The following LUC7L3 variants were observed in gnomAD, a reference collection of about 807,000 sequenced individuals.
LUC7L3 encodes luc7-like protein 3.
Under a neutral mutation model 66.8 loss-of-function variants are expected in LUC7L3, and 6 were observed. The ratio of observed to expected loss-of-function variants is 0.09; its 90% CI spans 0.05 to 0.18. LUC7L3 has a LOEUF of 0.18. Among genes scored for constraint, LUC7L3 ranks in the 10% least tolerant of loss-of-function variants. The probability of loss-of-function intolerance (pLI) is 1.00; values close to 1 mark genes in which losing one functional copy is unlikely to be tolerated. For missense variants in LUC7L3, 341 were observed against 531.1 expected (o/e 0.64, Z 3.52); for synonymous variants, 160 against 174.7 (o/e 0.92, Z 0.66).
In LUC7L3 at chr17:50,750,531, G is replaced by A. The variant is rs1319945750; in HGVS notation, c.1169G>A (p.Ser390Asn). ...EKRGSDDKKS[S>N]VKSGSREKQS... Reference sequence around the variant, plus strand: ...AGGGGATCTGATGATAAAAAAAGTAGTGTGAAGTCCGGTAGTCGAGAAAAG... The same window carrying A: ...AGGGGATCTGATGATAAAAAAAGTAATGTGAAGTCCGGTAGTCGAGAAAAG... The change falls in exon 10 of 10, where the codon AGT (serine) becomes AAT (asparagine). Residue 390 changes from serine to asparagine, a missense_variant. This residue lies in a region of LUC7L3 where 210 missense variants were observed against 238.1 expected (regional missense o/e 0.88). Transcript: ENST00000505658. 6 of 1,613,970 alleles carry A rather than the reference G, an allele frequency of 3.7e-6. No homozygotes were observed. The Middle Eastern group carries it at 8.2e-4, about 222-fold the overall frequency.
intron 2 of LUC7L3, chr17:50,738,336 A>C (rs1970121046): frequency 4.7e-6 from 1 of 214,612 alleles, no homozygotes; most frequent in Non-Finnish European, 9.8e-6. Context: ...CTTTTTAAAA[A>C]ATTAGTTGCT....
In LUC7L3 at chr17:50,752,019, G is replaced by C; in HGVS notation, c.*1358G>C. The C allele has an allele frequency of 9.1e-7, 1 of 1,100,400 alleles. No individual in the cohort carries two copies. The highest frequency in any genetic ancestry group is 1.1e-6 in the Non-Finnish European group (1 of 895,676). The allele number at this position is 1,100,400 out of a possible 1,614,324, so 68.2% of individuals were successfully genotyped here. On this transcript the variant is annotated 3_prime_UTR_variant, in exon 10 of 10. Transcript: ENST00000505658. ...GTCTGTGTATGTCATTCACACTTAG[G>C]CAAGCATACACAGGCACATGGCTTT...
chr17:50,747,463 A>G (rs988970409), intron 9 of LUC7L3, among the ~76,000 whole-genome samples: 1 of 151,664 alleles, frequency 6.6e-6, no homozygotes, highest in Admixed American at 6.6e-5. Flanking sequence ...TTTGTATTGA[A>G]TGAGCTGTTG....
At chr17:50,727,286 A>G (rs1341259776) in intron 1 of LUC7L3, among the ~76,000 whole-genome samples, 1 of 152,146 alleles carries the variant, frequency 6.6e-6, no homozygotes, top group Non-Finnish European at 1.5e-5. Context: ...AGGTTTATTT[A>G]GTTCAGTTCC....
rs3063109 is a variant in LUC7L3, at chr17:50,730,513, C to CAAAAAAAAAAAAAAAAAA, written c.100-6439_100-6422dup. Among the ~76,000 whole-genome samples, 57 of 59,090 alleles carry CAAAAAAAAAAAAAAAAAA rather than the reference C, an allele frequency of 9.6e-4. 1 individual carries two copies. Among genetic ancestry groups the CAAAAAAAAAAAAAAAAAA allele is most frequent in the African/African-American group, 1.5e-3 (20 of 13,252 alleles). The allele number at this position is 59,090 out of a possible 152,430, so 38.8% of individuals were successfully genotyped here. A position where few individuals can be genotyped will look rare whatever the true frequency, so the allele number is the denominator to read the frequency against. ...CTGGGCGACAGTAAGACTCTGTCTC[C>CAAAAAAAAAAAAAAAAAA]AAAAAAAAAAAAAAAAAAAAAAAAA... On this transcript the variant is annotated intron_variant, in intron 1 of 9. Transcript: ENST00000505658.
chr17:50,738,192 C>A (rs756044398), intron 2 of LUC7L3: 2 of 455,294 alleles, frequency 4.4e-6, no homozygotes, highest in South Asian at 3.1e-5. Flanking sequence ...GAGAAGTGAT[C>A]TCTGCAGGTA....
chr17:50,755,897 G>A lies in LUC7L3; in HGVS notation c.*5236G>A, dbSNP rs9910992. 139,128 of 152,272 alleles carry A rather than the reference G, an allele frequency of 0.91. 64,612 individuals are homozygous for A. The highest frequency in any genetic ancestry group is 1 in the Non-Finnish European group (67,908 of 68,044). 9.4% of individuals were successfully genotyped at this position (152,272 alleles called of 1,614,324 possible). On this transcript the variant is annotated 3_prime_UTR_variant, in exon 10 of 10. Coordinates refer to ENST00000505658, the MANE Select transcript of LUC7L3 (RefSeq NM_016424.5). ...ACAGAAGTGAAACTGAACTGCAGCT[G>A]TGTATGTGAACATGGACAAAACTCA...
chr17:50,722,056 T>TA lies in LUC7L3; in HGVS notation c.99+2225_99+2226insA, dbSNP rs559113915. On this transcript the variant is annotated intron_variant, in intron 1 of 9. Coordinates refer to ENST00000505658, the MANE Select transcript of LUC7L3 (RefSeq NM_016424.5). ...AAGGTAGTCCCTAGATAGCTGTATT[T>TA]GACCTGTGGAATTTGTTTTAAATGC... The TA allele has an allele frequency of 8.5e-5, 13 of 152,198 alleles. No homozygotes were observed. The East Asian group carries it at 2.5e-3, about 29-fold the overall frequency. The allele number at this position is 152,198 out of a possible 1,614,324, so 9.4% of individuals were successfully genotyped here.
chr17:50,719,870 G>C (rs748723087), intron 1 of LUC7L3, 39 bp downstream of exon 1: 2 of 1,564,630 alleles, frequency 1.3e-6, no homozygotes, highest in South Asian at 1.2e-5. Context: ...CGGGCTCCGT[G>C]GGGGAGGGGA....
intron 1 of LUC7L3, chr17:50,724,024 C>T (rs547306120): frequency 4.5e-6 from 2 of 447,112 alleles, no homozygotes; most frequent in African/African-American, 4.0e-5. Flanking sequence ...TATGTAATTG[C>T]TATTTGCTTT....
rs1970977819 is a variant in LUC7L3 at position 50,751,624 on chromosome 17, T to C, written c.*963T>C. The C allele has an allele frequency of 8.8e-7, 1 of 1,131,918 alleles. No individual in the cohort carries two copies. The highest frequency in any genetic ancestry group is 1.1e-6 in the Non-Finnish European group (1 of 912,490). 70.1% of individuals were successfully genotyped at this position (1,131,918 alleles called of 1,614,324 possible). On this transcript the variant is annotated 3_prime_UTR_variant, in exon 10 of 10. Coordinates refer to ENST00000505658, the MANE Select transcript of LUC7L3 (RefSeq NM_016424.5). Reference sequence around the variant, plus strand: ...CAATAAACACTTCATATTATTCGCCTTGTTACACTCAATGCAATTCTCAAG... The same window carrying C: ...CAATAAACACTTCATATTATTCGCCCTGTTACACTCAATGCAATTCTCAAG...
At position 50,719,774 on chromosome 17, in the gene LUC7L3, G is replaced by A. The variant is rs1416496447; in HGVS notation, c.42G>A (p.Arg14=). 6.2e-6 allele frequency: 10 copies of A among 1,612,236 alleles called. No individual in the cohort carries two copies. The highest frequency in any genetic ancestry group is 7.6e-6 in the Non-Finnish European group (9 of 1,179,234). Residue 14 remains arginine, a synonymous_variant, in exon 1 of 10, where the codon CGG becomes CGA. Transcript: ENST00000505658. The part of the protein sequence containing the change: ...AAQLLDELMG[R]DRNLAPDEKR... ...AGTTGTTGGATGAGTTAATGGGCCGGGACCGAAACCTAGCCCCGGACGAGA... is the reference window on the plus strand; with the variant it reads ...AGTTGTTGGATGAGTTAATGGGCCGAGACCGAAACCTAGCCCCGGACGAGA...
rs1347547961 is a variant in LUC7L3, at chr17:50,741,240, T to C, written c.345T>C (p.Ser115=). Residue 115 remains serine (S), a synonymous_variant, in exon 4 of 10, where the codon TCT becomes TCC. Transcript: ENST00000505658. Reference sequence around the variant, plus strand: ...TGGCATTATCTCAAAACCAGCAGTCTTCTGGGGTAAGTGAAGTCAATTCAG... The same window carrying C: ...TGGCATTATCTCAAAACCAGCAGTCCTCTGGGGTAAGTGAAGTCAATTCAG... ...ARLALSQNQQ[S]SGAAGPTGKN... 1 of 1,614,018 alleles carries C rather than the reference T, an allele frequency of 6.2e-7. No individual in the cohort carries two copies. The highest frequency in any genetic ancestry group is 1.7e-5 in the Admixed American group (1 of 60,000).
Position 50,746,593 on chromosome 17 carries a change from C to T in LUC7L3, c.1029C>T (p.His343=), listed in dbSNP as rs746016837. The change falls in exon 9 of 10, where the codon CAC becomes CAT. Residue 343 remains histidine (H), a synonymous_variant. Coordinates refer to ENST00000505658, the MANE Select transcript of LUC7L3 (RefSeq NM_016424.5). ...GCCATGATCGATCAGAAAGAAAACA[C>T]AGATCTCGAAGTCGGGATCGAAGAA... The part of the protein sequence containing the change: ...SRSHDRSERK[H]RSRSRDRRRS... 2 of 1,614,080 alleles carry T rather than the reference C, an allele frequency of 1.2e-6. No homozygotes were observed. The highest frequency in any genetic ancestry group is 2.2e-5 in the East Asian group (1 of 44,876).
chr17:50,741,166 A>G lies in LUC7L3; in HGVS notation c.271A>G (p.Ser91Gly), dbSNP rs1264855126. 1 of 1,614,072 alleles carries G rather than the reference A, an allele frequency of 6.2e-7. No homozygotes were observed. The highest frequency in any genetic ancestry group is 8.5e-7 in the Non-Finnish European group (1 of 1,180,026). Residue 91 changes from serine (S) to glycine (G), a missense_variant, in exon 4 of 10, where the codon AGC becomes GGC. Physicochemically the swap from Ser to Gly is moderately conservative, Grantham distance 56. Coordinates refer to ENST00000505658, the MANE Select transcript of LUC7L3 (RefSeq NM_016424.5). ...GAGAGATTTTTTGCGATACTTACAG[A>G]GCTTACTTGCAGAAGTAGAACGTAG... ...YERDFLRYLQSLLAEVERRIR... is the reference protein window; with the variant it reads ...YERDFLRYLQGLLAEVERRIR...
chr17:50,721,691 G>C (rs989564432), intron 1 of LUC7L3, among the ~76,000 whole-genome samples: 1 of 152,202 alleles, frequency 6.6e-6, no homozygotes, highest in Non-Finnish European at 1.5e-5. Context: ...TGGGGAAGCT[G>C]TTGATATCGT....
intron 1 of LUC7L3, among the ~76,000 whole-genome samples, chr17:50,721,602 A>G (rs889356550): frequency 4.6e-5 from 7 of 152,224 alleles, no homozygotes; most frequent in African/African-American, 1.7e-4. Context: ...TGATATCTGC[A>G]GGGAAAATGT....
In LUC7L3 at chr17:50,746,637, G is replaced by A. The variant is rs373348894; in HGVS notation, c.1073G>A (p.Arg358Gln). Residue 358 changes from arginine (R) to glutamine (Q), a missense_variant, in exon 9 of 10, where the codon CGA (arginine) becomes CAA (glutamine). Transcript: ENST00000505658. ...CGAAGAAGATCAAAAAGCCGGGATCGAAAGTCATATAAGCACAGGAGCAAA... is the reference window on the plus strand; with the variant it reads ...CGAAGAAGATCAAAAAGCCGGGATCAAAAGTCATATAAGCACAGGAGCAAA... Reference protein sequence around the residue: ...RDRRRSKSRDRKSYKHRSKSR... With the variant: ...RDRRRSKSRDQKSYKHRSKSR... The A allele has an allele frequency of 4.3e-6, 7 of 1,614,078 alleles. No homozygotes were observed. Among genetic ancestry groups the A allele is most frequent in the East Asian group, 2.2e-5 (1 of 44,868 alleles).
chr17:50,732,048 C>A (rs756382387), intron 1 of LUC7L3, among the ~76,000 whole-genome samples: 1 of 152,108 alleles, frequency 6.6e-6, no homozygotes. Context: ...TATCCCCAGA[C>A]CCAGGGCTTA....
Sources: allele counts gnomAD v4.1 joint callset (sites outside exome capture counted in the v4.1 genomes callset), GRCh38; gene constraint gnomAD v4.1.1; regional missense constraint gnomAD v4.1.1; transcripts MANE v1.5; gene names NCBI Gene and HGNC (gene_info 2026-07-23, HGNC 2026-07-21).